Variants in EXOC6 observed in about 807,000 individuals in gnomAD.
EXOC6 encodes exocyst complex component 6.
Under a neutral mutation model 112.5 loss-of-function variants are expected in EXOC6, and 60 were observed. The ratio of observed to expected loss-of-function variants is 0.53; its 90% CI spans 0.43 to 0.66. EXOC6 has a LOEUF of 0.66. EXOC6 is among the 30% of genes least tolerant of loss of function. The pLI is 0.00. For synonymous variants in EXOC6, 295 were observed against 308.0 expected (o/e 0.96, Z 0.44); for missense variants, 855 against 957.1 (o/e 0.89, Z 1.41).
intron 12 of EXOC6, among the ~76,000 whole-genome samples, chr10:92,939,887 T>A (rs1852560347): frequency 6.6e-6 from 1 of 151,998 alleles, no homozygotes. Flanking sequence ...CATTGTTGAG[T>A]AGTTTAAATA....
rs1319867651 is a variant in EXOC6, at chr10:92,952,104, TTTC to T, written c.1417-165_1417-163del. ...AAACAAGGGTAAATTGCCACATTAT[TTTC>T]TTCAGAAATATTTTGATAAAATATC... On this transcript the variant is annotated intron_variant, in intron 14 of 21. Transcript: ENST00000260762. 6.6e-5 allele frequency among the ~76,000 whole-genome samples: 10 copies of T among 152,336 alleles called. No individual in the cohort carries two copies. In the East Asian group the frequency reaches 1.9e-3, roughly 29 times the overall value.
intron 17 of EXOC6, among the ~76,000 whole-genome samples, chr10:92,967,522 G>A (rs980206928): frequency 6.6e-6 from 1 of 151,900 alleles, no homozygotes; most frequent in African/African-American, 2.4e-5. Flanking sequence ...ATTAAAGCTG[G>A]ATTTAAATTT....
At chr10:92,986,746 G>T (rs1589980024) in intron 18 of EXOC6, among the ~76,000 whole-genome samples, 1 of 149,448 alleles carries the variant, frequency 6.7e-6, no homozygotes, top group East Asian at 1.9e-4. Flanking sequence ...AAGTAAATTA[G>T]GTAATTTAAA....
intron 21 of EXOC6, among the ~76,000 whole-genome samples, chr10:93,057,406 C>T (rs542071381): frequency 6.6e-6 from 1 of 151,830 alleles, no homozygotes; most frequent in African/African-American, 2.4e-5. Flanking sequence ...GAATGTTTGC[C>T]ACCAGTGTTA....
chr10:93,042,171 A>G (rs1785038209), intron 20 of EXOC6, among the ~76,000 whole-genome samples: 1 of 152,184 alleles, frequency 6.6e-6, no homozygotes, highest in African/African-American at 2.4e-5. Context: ...GCATTTCCCC[A>G]TAAGCATAAC....
intron 17 of EXOC6, among the ~76,000 whole-genome samples, chr10:92,967,825 GAGGTTT>G (rs1268658183): frequency 2.0e-5 from 3 of 152,182 alleles, no homozygotes; most frequent in Non-Finnish European, 4.4e-5. Context: ...ACATAGTTCT[GAGGTTT>G]AGGGTTCTCT....
At chr10:92,891,908 A>G (rs1849522305) in intron 1 of EXOC6, among the ~76,000 whole-genome samples, 1 of 152,240 alleles carries the variant, frequency 6.6e-6, no homozygotes, top group African/African-American at 2.4e-5. Flanking sequence ...GGGAAACAAA[A>G]TATATTTTAA....
At chr10:92,911,353 A>G (rs1220472216) in intron 6 of EXOC6, among the ~76,000 whole-genome samples, 2 of 152,176 alleles carry the variant, frequency 1.3e-5, no homozygotes, top group Non-Finnish European at 2.9e-5. Context: ...TGTTTTCAAT[A>G]CTATTTCTCC....
intron 20 of EXOC6, among the ~76,000 whole-genome samples, chr10:93,033,723 A>G (rs1336473563): frequency 6.7e-6 from 1 of 149,580 alleles, no homozygotes. Flanking sequence ...ATTTTGATTT[A>G]TTTGCTTGTT....
chr10:92,848,597 G>C lies in EXOC6; in HGVS notation c.64G>C (p.Glu22Gln). The change falls in exon 1 of 22, where the codon GAG becomes CAG. Residue 22 changes from glutamate (E) to glutamine (Q), a missense_variant. Coordinates refer to ENST00000260762, the MANE Select transcript of EXOC6 (RefSeq NM_019053.6). ...PEHERILQEI[E>Q]STDTACVGPT... is the part of the protein sequence containing the mutation. ...GCACGAGCGGATCTTGCAGGAGATC[G>C]AGAGCACCGACACCGCCTGTGTGGG... 1 of 1,453,074 alleles carries C rather than the reference G, an allele frequency of 6.9e-7. No individual in the cohort carries two copies. Among genetic ancestry groups the C allele is most frequent in the Non-Finnish European group, 9.2e-7 (1 of 1,085,998 alleles). 90.0% of individuals were successfully genotyped at this position (1,453,074 alleles called of 1,614,324 possible).
chr10:92,899,898 A>G (rs1412706092), intron 5 of EXOC6: 4 of 372,586 alleles, frequency 1.1e-5, no homozygotes, highest in Non-Finnish European at 1.9e-5. Flanking sequence ...AACAGGAATG[A>G]AAATATTGAT....
chr10:92,885,473 G>A (rs1849167529), intron 1 of EXOC6, among the ~76,000 whole-genome samples: 1 of 151,386 alleles, frequency 6.6e-6, no homozygotes, highest in Non-Finnish European at 1.5e-5. Flanking sequence ...TCTGCTTTCC[G>A]GGTTCAAGTG....
intron 17 of EXOC6, among the ~76,000 whole-genome samples, chr10:92,964,231 T>TTA (rs1193486718): frequency 6.6e-6 from 1 of 151,528 alleles, no homozygotes; most frequent in Non-Finnish European, 1.5e-5. Context: ...ATAATGGAAA[T>TTA]TATATATATA....
chr10:92,970,471 G>A (rs896751742), intron 17 of EXOC6, among the ~76,000 whole-genome samples: 1 of 152,190 alleles, frequency 6.6e-6, no homozygotes, highest in African/African-American at 2.4e-5. Context: ...TTTGGTATCC[G>A]AGGGAGATCC....
intron 18 of EXOC6, among the ~76,000 whole-genome samples, chr10:92,991,126 CT>C (rs34279554): frequency 0.44 from 64,017 of 144,920 alleles, 14,344 homozygotes; most frequent in African/African-American, 0.54. Flanking sequence ...ATTCTGGCAA[CT>C]TTTTTTTTTT....
At chr10:93,001,609 A>G (rs1843758898) in intron 19 of EXOC6, among the ~76,000 whole-genome samples, 1 of 152,108 alleles carries the variant, frequency 6.6e-6, no homozygotes, top group Admixed American at 6.6e-5. Flanking sequence ...GAAAGTTACT[A>G]TTTTCCCATC....
intron 1 of EXOC6, among the ~76,000 whole-genome samples, chr10:92,853,027 A>T (rs183314899): frequency 6.6e-6 from 1 of 152,314 alleles, no homozygotes; most frequent in Non-Finnish European, 1.5e-5. Context: ...CAGAAAAGCT[A>T]CTAGAACTGA....
Position 92,917,540 on chromosome 10 carries a change from T to A in EXOC6, c.819+1627T>A, listed in dbSNP as rs549139397. On this transcript the variant is annotated intron_variant, in intron 7 of 21. Transcript: ENST00000260762. Reference sequence around the variant, plus strand: ...CTCGTTCTTTTTTTCTTTCTTTTTTTTTTTTTAGAGATAGGGCTCACTGTG... The same window carrying A: ...CTCGTTCTTTTTTTCTTTCTTTTTTATTTTTTAGAGATAGGGCTCACTGTG... Among the ~76,000 whole-genome samples, 337 of 151,696 alleles carry A rather than the reference T, an allele frequency of 2.2e-3. 1 individual carries two copies. The highest frequency in any genetic ancestry group is 7.5e-3 in the African/African-American group (309 of 41,414).
At chr10:92,858,026 C>CCCA (rs1554882183) in intron 1 of EXOC6, among the ~76,000 whole-genome samples, 4 of 135,986 alleles carry the variant, frequency 2.9e-5, no homozygotes. Context: ...ACGGGTTCCC[C>CCCA]CCCTCCGCCG....
Sources: gnomAD v4.1 joint callset for allele counts (sites outside exome capture counted in the v4.1 genomes callset) on GRCh38, gnomAD v4.1.1 for gene constraint, MANE v1.5 for transcripts, NCBI Gene and HGNC (gene_info 2026-07-23, HGNC 2026-07-21) for gene names.